RGS5: variants seen among roughly 807,000 people sequenced by gnomAD.
RGS5 encodes the protein regulator of G-protein signalling 5.
A neutral mutation model predicts 18.9 loss-of-function variants in RGS5; 20 were observed. The ratio of observed to expected loss-of-function variants is 1.06; its 90% CI spans 0.74 to 1.54. RGS5 has a LOEUF of 1.54. Among genes scored for constraint, RGS5 ranks in the 40% most tolerant of loss-of-function variants. The pLI, the probability that RGS5 is intolerant of heterozygous loss-of-function variation, is 0.00. For synonymous variants in RGS5, 57 were observed against 76.2 expected (o/e 0.75, Z 1.31); for missense variants, 201 against 211.8 (o/e 0.95, Z 0.32).
rs367558054 is a variant in RGS5, at chr1:163,274,722, T to C, written c.-281+31511A>G. Among the ~76,000 whole-genome samples the C allele has an allele frequency of 7.2e-5, 11 of 152,256 alleles. No homozygotes were observed. In the East Asian group the frequency reaches 9.7e-4, roughly 13 times the overall value. ...TAGCTCCAGGTAGATAGTGTCCAAA[T>C]TGAATTGAATTGTTGGACATCAAGT... is the stretch of plus-strand genomic sequence containing the variant. On this transcript the variant is annotated intron_variant, in intron 2 of 5. Coordinates refer to the RGS5 transcript ENST00000618415.
chr1:163,217,706 C>A (rs1484330159), upstream of RGS5: 17 of 1,369,010 alleles, frequency 1.2e-5, no homozygotes, highest in Non-Finnish European at 1.6e-5. Context: ...GAACTTGGAA[C>A]CTTGATGACA....
At chr1:163,166,604 T>C (rs1385089665) in intron 2 of RGS5, among the ~76,000 whole-genome samples, 1 of 152,148 alleles carries the variant, frequency 6.6e-6, no homozygotes, top group Non-Finnish European at 1.5e-5. Context: ...GGGAAACTTT[T>C]TTATTGGTCA....
rs549935858 is a variant in RGS5 at position 163,246,341 on chromosome 1, C to T, written c.-281+59892G>A. Among the ~76,000 whole-genome samples, 236 of 151,738 alleles carry T rather than the reference C, an allele frequency of 1.6e-3. 1 individual carries two copies. Among genetic ancestry groups the T allele is most frequent in the African/African-American group, 5.3e-3 (220 of 41,484 alleles). ...ATCCCAGCACTTTGGGAGGCTGAGG[C>T]GGGCGGATCACGAGGTCAGGAGTTT... On this transcript the variant is annotated intron_variant, in intron 2 of 5. Coordinates refer to the RGS5 transcript ENST00000618415.
chr1:163,272,758 A>G (rs1446045625), intron 2 of RGS5, among the ~76,000 whole-genome samples: 1 of 152,050 alleles, frequency 6.6e-6, no homozygotes, highest in Non-Finnish European at 1.5e-5. Context: ...CTTCTGTTCC[A>G]CTGATCTCAA....
chr1:163,186,807 G>A (rs530521732), intron 1 of RGS5, among the ~76,000 whole-genome samples: 26 of 152,164 alleles, frequency 1.7e-4, no homozygotes, highest in Non-Finnish European at 3.2e-4. Flanking sequence ...GAATTGGTCC[G>A]TTACCCTGAA....
At chr1:163,212,367 TAA>T (rs768707356) in intron 1 of RGS5, 1 of 152,124 alleles carries the variant, frequency 6.6e-6, no homozygotes, top group Non-Finnish European at 1.5e-5. Context: ...AAAAAATACA[TAA>T]GTTAATTAAA....
At chr1:163,166,689 G>A (rs1468419400) in intron 2 of RGS5, among the ~76,000 whole-genome samples, 3 of 152,162 alleles carry the variant, frequency 2.0e-5, no homozygotes, top group African/African-American at 7.2e-5. Context: ...TTAGGCTTCT[G>A]GAGGAAGAAA....
chr1:163,244,431 C>T (rs1233778452), intron 2 of RGS5: 1 of 152,188 alleles, frequency 6.6e-6, no homozygotes. Flanking sequence ...GTTTATCAAA[C>T]ATATTGTTCC....
intron 1 of RGS5, among the ~76,000 whole-genome samples, chr1:163,313,734 A>C (rs1473873232): frequency 6.6e-6 from 1 of 152,198 alleles, no homozygotes; most frequent in Non-Finnish European, 1.5e-5. Flanking sequence ...GAAGTGGTAG[A>C]ATAGTAGGTA....
intron 1 of RGS5, among the ~76,000 whole-genome samples, chr1:163,171,486 C>A (rs1183593337): frequency 6.6e-6 from 1 of 152,144 alleles, no homozygotes; most frequent in African/African-American, 2.4e-5. Flanking sequence ...ATTTAGATAA[C>A]AATGATGTAA....
chr1:163,155,238 C>T (rs974787282), intron 3 of RGS5, among the ~76,000 whole-genome samples: 2 of 152,258 alleles, frequency 1.3e-5, no homozygotes, highest in Non-Finnish European at 2.9e-5. Flanking sequence ...GGGACAAAAT[C>T]TCAGTCCTCC....
intron 1 of RGS5, among the ~76,000 whole-genome samples, chr1:163,308,041 G>A (rs568690348): frequency 6.6e-6 from 1 of 152,296 alleles, no homozygotes; most frequent in Admixed American, 6.5e-5. Flanking sequence ...TTTAAAGTGT[G>A]AGTTTAAAGT....
At position 163,264,130 on chromosome 1, in the gene RGS5, A is replaced by G. The variant is rs1449114778; in HGVS notation, c.-281+42103T>C. Among the ~76,000 whole-genome samples, 7 of 152,100 alleles carry G rather than the reference A, an allele frequency of 4.6e-5. No individual in the cohort carries two copies. The East Asian group carries it at 1.4e-3, about 29-fold the overall frequency. On this transcript the variant is annotated intron_variant, in intron 2 of 5. Transcript: ENST00000618415. ...AAGAGGTCTTAAATTTCACATTTAT[A>G]TTATTGTTTTGTTTGGTTTAAGGCA...
chr1:163,278,789 G>A (rs1373433054), intron 2 of RGS5, among the ~76,000 whole-genome samples: 1 of 151,976 alleles, frequency 6.6e-6, no homozygotes, highest in Non-Finnish European at 1.5e-5. Context: ...TCAAATATAT[G>A]CTGCCTACAA....
intron 1 of RGS5, among the ~76,000 whole-genome samples, chr1:163,179,072 C>A (rs1243843872): frequency 1.3e-5 from 2 of 152,154 alleles, no homozygotes; most frequent in Non-Finnish European, 2.9e-5. Context: ...GCTTGTAAAG[C>A]AAATACGATA....
chr1:163,217,992 C>T (rs1204872344), upstream of RGS5, among the ~76,000 whole-genome samples: 1 of 151,794 alleles, frequency 6.6e-6, no homozygotes, highest in Non-Finnish European at 1.5e-5. Flanking sequence ...GACCATTTAT[C>T]ATGCCTGGAA....
intron 1 of RGS5, among the ~76,000 whole-genome samples, chr1:163,168,795 A>G (rs1658170161): frequency 6.6e-6 from 1 of 152,082 alleles, no homozygotes; most frequent in South Asian, 2.1e-4. Context: ...TGCATTGCCT[A>G]CTAGTCTTCT....
chr1:163,283,749 A>C (rs1300482827), intron 2 of RGS5, among the ~76,000 whole-genome samples: 9 of 152,214 alleles, frequency 5.9e-5, no homozygotes, highest in Non-Finnish European at 1.3e-4. Context: ...TCAACATTGC[A>C]AGGAACTGAA....
chr1:163,271,240 G>T (rs370730872), intron 2 of RGS5, among the ~76,000 whole-genome samples: 3 of 152,040 alleles, frequency 2.0e-5, no homozygotes, highest in East Asian at 3.9e-4. Context: ...ATTTTTAAGG[G>T]TAATTAATTG....
Sources: allele counts gnomAD v4.1 joint callset (sites outside exome capture counted in the v4.1 genomes callset), GRCh38; gene constraint gnomAD v4.1.1; transcripts MANE v1.5; gene names NCBI Gene and HGNC (gene_info 2026-07-23, HGNC 2026-07-21).